Variants in PTPRR observed in about 807,000 individuals in gnomAD.
PTPRR encodes the protein receptor-type tyrosine-protein phosphatase R.
A neutral mutation model predicts 77.2 loss-of-function variants in PTPRR; 38 were observed. That is an observed-to-expected ratio of 0.49 (90% confidence interval 0.38 to 0.65). The LOEUF (loss-of-function observed/expected upper bound fraction) is 0.65. PTPRR is among the 30% of genes least tolerant of loss of function. The pLI, the probability that PTPRR is intolerant of heterozygous loss-of-function variation, is 0.00. For missense variants in PTPRR, 744 were observed against 799.2 expected (o/e 0.93, Z 0.83); for synonymous variants, 299 against 283.1 (o/e 1.06, Z -0.57).
Position 70,838,823 on chromosome 12 carries a change from A to T in PTPRR, c.357+53856T>A, listed in dbSNP as rs187804525. On this transcript the variant is annotated intron_variant, in intron 2 of 13. Coordinates refer to ENST00000283228, the MANE Select transcript of PTPRR (RefSeq NM_002849.4). ...GATACACCTACAAAGGCCTAGGACC[A>T]ATCTGGTTTGACTAACGGGGATTGT... is the stretch of plus-strand genomic sequence containing the variant. Among the ~76,000 whole-genome samples the T allele has an allele frequency of 7.9e-5, 12 of 152,280 alleles. No homozygotes were observed. In the East Asian group the frequency reaches 2.3e-3, roughly 29 times the overall value.
rs772592871 is a variant in PTPRR at position 70,761,592 on chromosome 12, G to A, written c.506C>T (p.Pro169Leu). 4 of 1,611,126 alleles carry A rather than the reference G, an allele frequency of 2.5e-6. No homozygotes were observed. The highest frequency in any genetic ancestry group is 3.4e-6 in the Non-Finnish European group (4 of 1,178,272). The stretch of plus-strand genomic sequence containing the variant: ...AGAAATTCCTGTTTTTCGGTTTATG[G>A]GAGACACAAACAGTTCAATACTGTT... Reference protein sequence around the residue: ...KKNSIELFVSPINRKTGISDA... With the variant: ...KKNSIELFVSLINRKTGISDA... The change falls in exon 4 of 14, where the codon CCC becomes CTC. Residue 169 changes from proline (P) to leucine (L), a missense_variant. Transcript: ENST00000283228.
At chr12:70,785,241 T>C (rs1459448260) in intron 2 of PTPRR, among the ~76,000 whole-genome samples, 1 of 152,220 alleles carries the variant, frequency 6.6e-6, no homozygotes, top group African/African-American at 2.4e-5. Context: ...AATTAAATAT[T>C]AATATTGAAA....
At chr12:70,870,208 A>G (rs1358920619) in intron 2 of PTPRR, among the ~76,000 whole-genome samples, 3 of 152,160 alleles carry the variant, frequency 2.0e-5, no homozygotes, top group African/African-American at 7.2e-5. Flanking sequence ...AAGCCCACAG[A>G]TGAAAGGGGA....
intron 10 of PTPRR, chr12:70,672,348 A>G (rs764679649): frequency 3.5e-5 from 51 of 1,451,568 alleles, no homozygotes; most frequent in African/African-American, 7.0e-5. Context: ...GTGGAGCCCT[A>G]TGATGAGATG....
intron 2 of PTPRR, among the ~76,000 whole-genome samples, chr12:70,854,846 T>A (rs1164137695): frequency 6.6e-6 from 1 of 152,240 alleles, no homozygotes; most frequent in Non-Finnish European, 1.5e-5. Flanking sequence ...TTAAATGTAC[T>A]AACATTTGTA....
At chr12:70,763,136 C>CTT (rs201540697) in intron 3 of PTPRR, among the ~76,000 whole-genome samples, 1 of 149,846 alleles carries the variant, frequency 6.7e-6, no homozygotes, top group African/African-American at 2.4e-5. Context: ...GACTTTTTTT[C>CTT]TTTTTTTTTG....
chr12:70,900,114 A>C (rs1028571202), intron 1 of PTPRR, among the ~76,000 whole-genome samples: 3 of 151,528 alleles, frequency 2.0e-5, no homozygotes, highest in African/African-American at 7.2e-5. Context: ...CAATTACAAT[A>C]AAATATCATT....
intron 13 of PTPRR, among the ~76,000 whole-genome samples, chr12:70,651,666 T>G (rs1279270207): frequency 2.0e-5 from 3 of 152,216 alleles, no homozygotes; most frequent in Non-Finnish European, 4.4e-5. Context: ...CTCGAACTCC[T>G]GGGCTCATTT....
chr12:70,748,160 A>T (rs763767625), intron 5 of PTPRR, among the ~76,000 whole-genome samples: 1 of 152,182 alleles, frequency 6.6e-6, no homozygotes, highest in Admixed American at 6.5e-5. Context: ...GTAAGGGATC[A>T]TAAAATTTTT....
chr12:70,868,884 G>T (rs1353930266), intron 2 of PTPRR, among the ~76,000 whole-genome samples: 4 of 151,780 alleles, frequency 2.6e-5, no homozygotes, highest in Non-Finnish European at 5.9e-5. Context: ...GTCCTTTGTA[G>T]GGACATGGAT....
intron 1 of PTPRR, among the ~76,000 whole-genome samples, chr12:70,898,201 C>A (rs1394912388): frequency 6.8e-6 from 1 of 146,302 alleles, no homozygotes; most frequent in Non-Finnish European, 1.5e-5. Context: ...ATGTAGATAA[C>A]CTGAATTAAA....
intron 2 of PTPRR, among the ~76,000 whole-genome samples, chr12:70,792,497 A>C (rs1423842032): frequency 6.6e-6 from 1 of 152,154 alleles, no homozygotes; most frequent in Non-Finnish European, 1.5e-5. Context: ...TAATTTACTA[A>C]TAGTGGCATC....
rs1397188930 is a variant in PTPRR at position 70,892,942 on chromosome 12, T to C, written c.94A>G (p.Ile32Val). ...GGCTTCCCACTCTTCTTCTGATTAA[T>C]TGCCAAAAAATGATCATTGTTTCCT... ...FSGNNDHFLA[I>V]NQKKSGKPVF... The change falls in exon 2 of 14, where the codon ATT becomes GTT. Residue 32 changes from isoleucine (I) to valine (V), a missense_variant. Ile to Val is a conservative substitution (Grantham distance 29). Coordinates refer to ENST00000283228, the MANE Select transcript of PTPRR (RefSeq NM_002849.4). 2.5e-6 allele frequency: 4 copies of C among 1,612,960 alleles called. No homozygotes were observed. Among genetic ancestry groups the C allele is most frequent in the East Asian group, 2.2e-5 (1 of 44,858 alleles).
chr12:70,823,298 T>C (rs946769736), intron 2 of PTPRR, among the ~76,000 whole-genome samples: 12 of 152,246 alleles, frequency 7.9e-5, no homozygotes, highest in African/African-American at 2.4e-4. Context: ...CTGAAACACA[T>C]TGACCCACAG....
rs139015015 is a variant in PTPRR, at chr12:70,734,002, C to A, written c.1007+11816G>T. Among the ~76,000 whole-genome samples the A allele has an allele frequency of 1.1e-3, 174 of 152,272 alleles. 1 individual carries two copies. The highest frequency in any genetic ancestry group is 4.0e-3 in the African/African-American group (168 of 41,566). ...CTTTATGACACATTTCCAAAAACTCCTAAGGCAAAAGTCTCTGGCTGCAAG... is the reference window on the plus strand; with the variant it reads ...CTTTATGACACATTTCCAAAAACTCATAAGGCAAAAGTCTCTGGCTGCAAG... On this transcript the variant is annotated intron_variant, in intron 6 of 13. Coordinates refer to ENST00000283228, the MANE Select transcript of PTPRR (RefSeq NM_002849.4).
chr12:70,877,548 C>T (rs1286094465), intron 2 of PTPRR, among the ~76,000 whole-genome samples: 1 of 152,096 alleles, frequency 6.6e-6, no homozygotes, highest in African/African-American at 2.4e-5. Flanking sequence ...AGGAATCCAA[C>T]TTACAAGGGA....
chr12:70,650,641 G>T (rs556550638), intron 13 of PTPRR, among the ~76,000 whole-genome samples: 1 of 152,092 alleles, frequency 6.6e-6, no homozygotes, highest in Non-Finnish European at 1.5e-5. Context: ...ACACCCAGGT[G>T]CCTGATTCAT....
chr12:70,811,450 C>G (rs1210761804), intron 2 of PTPRR, among the ~76,000 whole-genome samples: 1 of 152,110 alleles, frequency 6.6e-6, no homozygotes, highest in African/African-American at 2.4e-5. Flanking sequence ...GAAAAAACTG[C>G]CTGCAAAAGG....
At chr12:70,775,044 A>G (rs905023618) in intron 2 of PTPRR, among the ~76,000 whole-genome samples, 1 of 152,228 alleles carries the variant, frequency 6.6e-6, no homozygotes, top group Non-Finnish European at 1.5e-5. Flanking sequence ...AACATTTAAC[A>G]TACAAATGAT....
Sources: allele counts gnomAD v4.1 joint callset (sites outside exome capture counted in the v4.1 genomes callset), GRCh38; gene constraint gnomAD v4.1.1; transcripts MANE v1.5; gene names NCBI Gene and HGNC (gene_info 2026-07-23, HGNC 2026-07-21).